The following STX8 variants were observed in gnomAD, a reference collection of about 807,000 sequenced individuals.
STX8 encodes syntaxin-8.
STX8 carries 23 observed loss-of-function variants against 37.5 expected under a neutral mutation model. That is an observed-to-expected ratio of 0.61 (90% CI 0.44 to 0.87). STX8 has a LOEUF of 0.87. Among genes scored for constraint, STX8 ranks in the 40% least tolerant of loss-of-function variants. The probability of loss-of-function intolerance (pLI) is 0.00; values close to 1 mark genes in which losing one functional copy is unlikely to be tolerated. For synonymous variants in STX8, 115 were observed against 99.1 expected, an observed-to-expected ratio of 1.16 and a Z score of -0.95; for missense variants, 313 against 284.7, an observed-to-expected ratio of 1.10 and a Z score of -0.71.
intron 6 of STX8, among the ~76,000 whole-genome samples, chr17:9,407,952 T>C (rs527351290): frequency 6.6e-6 from 1 of 152,162 alleles, no homozygotes; most frequent in Non-Finnish European, 1.5e-5. Flanking sequence ...ATGGAGATTT[T>C]TACAGATGCA....
At chr17:9,382,831 T>G (rs1911868488) in intron 6 of STX8, among the ~76,000 whole-genome samples, 1 of 152,172 alleles carries the variant, frequency 6.6e-6, no homozygotes, top group African/African-American at 2.4e-5. Context: ...AGGGCAAAGA[T>G]GAAACCACAA....
At chr17:9,403,009 T>G (rs950004001) in intron 6 of STX8, among the ~76,000 whole-genome samples, 1 of 152,098 alleles carries the variant, frequency 6.6e-6, no homozygotes, top group Non-Finnish European at 1.5e-5. Flanking sequence ...CCTCCTGACA[T>G]GAACATCACA....
At chr17:9,269,860 T>C (rs1054404662) in intron 7 of STX8, among the ~76,000 whole-genome samples, 2 of 152,192 alleles carry the variant, frequency 1.3e-5, no homozygotes, top group African/African-American at 4.8e-5. Context: ...ACACCAGCAC[T>C]AGCTTTAGGC....
intron 7 of STX8, among the ~76,000 whole-genome samples, chr17:9,349,326 T>C (rs1910628581): frequency 6.8e-6 from 1 of 146,318 alleles, no homozygotes; most frequent in Admixed American, 6.7e-5. Context: ...CTTTTTTTTT[T>C]TTTTTTTTTT....
At chr17:9,458,628 T>C (rs1272456185) in intron 6 of STX8, among the ~76,000 whole-genome samples, 1 of 152,220 alleles carries the variant, frequency 6.6e-6, no homozygotes, top group Non-Finnish European at 1.5e-5. Flanking sequence ...TTTGCTCTCG[T>C]GCTCTTGTTC....
At chr17:9,400,691 C>T (rs1235845235) in intron 6 of STX8, among the ~76,000 whole-genome samples, 2 of 152,190 alleles carry the variant, frequency 1.3e-5, no homozygotes, top group East Asian at 3.9e-4. Flanking sequence ...AGGCGTGAGC[C>T]ACCCGCGCCC....
chr17:9,490,494 C>G (rs1430561930), intron 6 of STX8, among the ~76,000 whole-genome samples: 1 of 152,180 alleles, frequency 6.6e-6, no homozygotes, highest in Non-Finnish European at 1.5e-5. Context: ...GCCTCAGCCT[C>G]CCGAGTAGCT....
intron 7 of STX8, among the ~76,000 whole-genome samples, chr17:9,371,426 G>T (rs532360573): frequency 6.6e-6 from 1 of 152,304 alleles, no homozygotes; most frequent in East Asian, 1.9e-4. Flanking sequence ...CTTGCTTGCA[G>T]TTTGATTATG....
At chr17:9,443,312 A>G (rs1904729208) in intron 6 of STX8, among the ~76,000 whole-genome samples, 1 of 152,204 alleles carries the variant, frequency 6.6e-6, no homozygotes, top group African/African-American at 2.4e-5. Context: ...TCTCTTTCCC[A>G]GAACAGAACT....
At chr17:9,337,423 G>A (rs1910174199) in intron 7 of STX8, among the ~76,000 whole-genome samples, 1 of 152,138 alleles carries the variant, frequency 6.6e-6, no homozygotes, top group African/African-American at 2.4e-5. Context: ...CTGTTGCCCA[G>A]GCTACAGTGT....
chr17:9,388,820 A>G (rs924786640), intron 6 of STX8, among the ~76,000 whole-genome samples: 1 of 151,910 alleles, frequency 6.6e-6, no homozygotes, highest in Non-Finnish European at 1.5e-5. Context: ...AAGAAAAAAA[A>G]AAAAAAAAAC....
At chr17:9,472,778 G>A (rs1317979253) in intron 6 of STX8, among the ~76,000 whole-genome samples, 3 of 152,196 alleles carry the variant, frequency 2.0e-5, no homozygotes, top group African/African-American at 7.2e-5. Flanking sequence ...CAGGGCCTGA[G>A]GAGAGATGGC....
At chr17:9,573,188 G>C (rs996895473) in intron 1 of STX8, among the ~76,000 whole-genome samples, 3 of 147,206 alleles carry the variant, frequency 2.0e-5, no homozygotes, top group Non-Finnish European at 4.4e-5. Context: ...GAGGGGATCA[G>C]ACATGCCTCA....
intron 5 of STX8, among the ~76,000 whole-genome samples, chr17:9,497,081 A>C (rs1309819956): frequency 6.6e-6 from 1 of 152,358 alleles, no homozygotes; most frequent in Non-Finnish European, 1.5e-5. Context: ...GATATTTCCT[A>C]TCTGTAGACA....
rs1910515073 is a variant in STX8 at position 9,345,867 on chromosome 17, T to TTTTTTTTTTTC, written c.643+32684_643+32685insGAAAAAAAAAA. ...GCATTCCTTTTTTTTTTTTTTTTTT[T>TTTTTTTTTTTC]TGAGATGGAGTTTCACTCTTGTTGC... On this transcript the variant is annotated intron_variant, in intron 7 of 7. Coordinates refer to ENST00000306357, the MANE Select transcript of STX8 (RefSeq NM_004853.3). Among the ~76,000 whole-genome samples the TTTTTTTTTTTC allele has an allele frequency of 3.5e-5, 5 of 143,692 alleles. No individual in the cohort carries two copies. In the South Asian group the frequency reaches 1.2e-3, roughly 33 times the overall value. 94.3% of individuals were successfully genotyped at this position (143,692 alleles called of 152,430 possible).
chr17:9,330,423 C>G (rs1909922520), intron 7 of STX8, among the ~76,000 whole-genome samples: 1 of 151,972 alleles, frequency 6.6e-6, no homozygotes, highest in Non-Finnish European at 1.5e-5. Flanking sequence ...TCTAACCACT[C>G]CCACCCCCCA....
intron 6 of STX8, among the ~76,000 whole-genome samples, chr17:9,475,018 G>A (rs529073050): frequency 1.3e-5 from 2 of 152,236 alleles, no homozygotes; most frequent in East Asian, 1.9e-4. Flanking sequence ...GAAGCCTCCA[G>A]AACACCAGCT....
At chr17:9,267,655 C>G (rs1907277823) in intron 7 of STX8, among the ~76,000 whole-genome samples, 1 of 152,104 alleles carries the variant, frequency 6.6e-6, no homozygotes, top group South Asian at 2.1e-4. Flanking sequence ...TTTATGCACT[C>G]AAAAAATCCT....
intron 1 of STX8, among the ~76,000 whole-genome samples, chr17:9,572,921 C>G (rs1907738834): frequency 6.6e-6 from 1 of 152,174 alleles, no homozygotes; most frequent in South Asian, 2.1e-4. Flanking sequence ...CCAGTGATAG[C>G]TTCCACCAAT....
Sources: gnomAD v4.1 joint callset for allele counts (sites outside exome capture counted in the v4.1 genomes callset) on GRCh38, gnomAD v4.1.1 for gene constraint, MANE v1.5 for transcripts, NCBI Gene and HGNC (gene_info 2026-07-23, HGNC 2026-07-21) for gene names.